CORIN: variants seen among roughly 807,000 people sequenced by gnomAD.
CORIN encodes corin, serine peptidase.
A neutral mutation model predicts 125.3 loss-of-function variants in CORIN; 117 were observed. The ratio of observed to expected loss-of-function variants is 0.93; its 90% CI spans 0.80 to 1.09. The LOEUF is 1.09. Ranked by LOEUF, CORIN falls within the 50% of genes least tolerant of loss-of-function variation. The pLI is 0.00. For missense variants in CORIN, 1,253 were observed against 1,306.7 expected, an observed-to-expected ratio of 0.96 and a Z score of 0.63; for synonymous variants, 450 against 466.4, an observed-to-expected ratio of 0.96 and a Z score of 0.45.
chr4:47,717,684 A>G (rs1050515025), intron 5 of CORIN, among the ~76,000 whole-genome samples: 3 of 152,192 alleles, frequency 2.0e-5, no homozygotes, highest in African/African-American at 7.2e-5. Flanking sequence ...CCTGCATCAA[A>G]TTTCTCAAGT....
At chr4:47,758,906 T>C (rs185933601) in intron 4 of CORIN, among the ~76,000 whole-genome samples, 19 of 152,362 alleles carry the variant, frequency 1.2e-4, no homozygotes, top group Non-Finnish European at 2.1e-4. Context: ...TCTCCTTCGT[T>C]TGTAAATTAC....
intron 5 of CORIN, among the ~76,000 whole-genome samples, chr4:47,699,083 T>C (rs1427939523): frequency 6.6e-6 from 1 of 152,232 alleles, no homozygotes; most frequent in Non-Finnish European, 1.5e-5. Context: ...TTAGGCAATA[T>C]ATGACTGACA....
At chr4:47,597,861 A>T (rs1721311781) in intron 21 of CORIN, among the ~76,000 whole-genome samples, 1 of 152,216 alleles carries the variant, frequency 6.6e-6, no homozygotes, top group Non-Finnish European at 1.5e-5. Context: ...TTTTTGTCCC[A>T]GAACAGCCAA....
intron 12 of CORIN, among the ~76,000 whole-genome samples, chr4:47,659,188 C>A (rs1009713043): frequency 6.6e-6 from 1 of 152,188 alleles, no homozygotes; most frequent in African/African-American, 2.4e-5. Context: ...AATTTTGGGT[C>A]ACAATCACTT....
At chr4:47,690,214 G>T (rs1466718125) in intron 6 of CORIN, among the ~76,000 whole-genome samples, 1 of 152,118 alleles carries the variant, frequency 6.6e-6, no homozygotes, top group African/African-American at 2.4e-5. Flanking sequence ...CACTAAATCT[G>T]AACTTTTTTA....
chr4:47,796,253 A>G (rs1357300879), intron 2 of CORIN, among the ~76,000 whole-genome samples: 3 of 152,116 alleles, frequency 2.0e-5, no homozygotes, highest in African/African-American at 7.2e-5. Flanking sequence ...TGTGGCATAC[A>G]CACAATGGTA....
chr4:47,625,602 T>C (rs1293741263), intron 17 of CORIN, among the ~76,000 whole-genome samples: 3 of 152,184 alleles, frequency 2.0e-5, no homozygotes, highest in African/African-American at 7.2e-5. Context: ...AAGAACTTTT[T>C]AAGAGGAAAT....
intron 4 of CORIN, among the ~76,000 whole-genome samples, chr4:47,758,187 A>G (rs1729277435): frequency 6.6e-6 from 1 of 152,100 alleles, no homozygotes; most frequent in African/African-American, 2.4e-5. Flanking sequence ...TGCTGGGATT[A>G]CAGGTGTGAG....
chr4:47,624,095 GCA>G (rs1722454490), intron 17 of CORIN, 147 bp from the exon 18 acceptor site: 2 of 682,040 alleles, frequency 2.9e-6, no homozygotes, highest in East Asian at 5.4e-5. Context: ...CCACAGGAAA[GCA>G]CATTCCTCTT....
At chr4:47,694,803 T>C (rs918911101) in intron 5 of CORIN, among the ~76,000 whole-genome samples, 1 of 152,064 alleles carries the variant, frequency 6.6e-6, no homozygotes, top group Non-Finnish European at 1.5e-5. Flanking sequence ...CTCGATTCAA[T>C]GGAAAAAGTT....
chr4:47,712,539 T>A (rs1295027388), intron 5 of CORIN, among the ~76,000 whole-genome samples: 1 of 152,152 alleles, frequency 6.6e-6, no homozygotes, highest in African/African-American at 2.4e-5. Context: ...CTCCTTGGCC[T>A]CCCAAAGTGC....
At chr4:47,790,176 T>A (rs930688730) in intron 2 of CORIN, 6 of 981,680 alleles carry the variant, frequency 6.1e-6, no homozygotes, top group South Asian at 4.7e-5. Context: ...CCCTGAAACT[T>A]TGGACAAAGT....
rs181538732 is a variant in CORIN at position 47,761,310 on chromosome 4, C to T, written c.617+2069G>A. Among the ~76,000 whole-genome samples, 15 of 152,302 alleles carry T rather than the reference C, an allele frequency of 9.8e-5. No homozygotes were observed. In the East Asian group the frequency reaches 2.3e-3, roughly 23 times the overall value. On this transcript the variant is annotated intron_variant, in intron 4 of 21. Coordinates refer to ENST00000273857, the MANE Select transcript of CORIN (RefSeq NM_006587.4). ...GAGAGATATGCCACTCTTCCCTTCA[C>T]CTGAATACTTAGAGGCCATTGTAGG...
chr4:47,706,422 T>TGG, intron 5 of CORIN: 1 of 1,609,656 alleles, frequency 6.2e-7, no homozygotes, highest in Non-Finnish European at 8.5e-7. Flanking sequence ...AGCAGTCTGA[T>TGG]GTCACGCGCT....
chr4:47,649,210 A>T (rs751126144), intron 13 of CORIN, among the ~76,000 whole-genome samples: 5 of 152,214 alleles, frequency 3.3e-5, no homozygotes, highest in African/African-American at 9.6e-5. Context: ...AAGAGGCAGG[A>T]TGAAGGAATG....
chr4:47,694,820 A>G (rs540435720), intron 5 of CORIN, among the ~76,000 whole-genome samples: 7 of 152,282 alleles, frequency 4.6e-5, no homozygotes, highest in Non-Finnish European at 1.0e-4. Flanking sequence ...AGTTACCTAA[A>G]TCCCTAATAG....
At chr4:47,628,437 C>CGTGTGTGTGTGTGTGTGTGTGT (rs35452886) in intron 16 of CORIN, among the ~76,000 whole-genome samples, 6 of 147,388 alleles carry the variant, frequency 4.1e-5, no homozygotes, top group Non-Finnish European at 7.5e-5. Flanking sequence ...CACATAGTTA[C>CGTGTGTGTGTGTGTGTGTGTGT]GTGTGTGTGT....
chr4:47,632,785 A>AG, intron 16 of CORIN, among the ~76,000 whole-genome samples: 1 of 133,096 alleles, frequency 7.5e-6, no homozygotes, highest in African/African-American at 2.8e-5. Flanking sequence ...AGTTAGATAG[A>AG]TTTTTTTTTT....
chr4:47,782,861 T>C (rs374234553), intron 3 of CORIN, among the ~76,000 whole-genome samples: 1 of 151,846 alleles, frequency 6.6e-6, no homozygotes. Flanking sequence ...TCCATAGAGA[T>C]TGAAACTAGA....
Sources: gnomAD v4.1 joint callset for allele counts (sites outside exome capture counted in the v4.1 genomes callset) on GRCh38, gnomAD v4.1.1 for gene constraint, MANE v1.5 for transcripts, NCBI Gene and HGNC (gene_info 2026-07-23, HGNC 2026-07-21) for gene names.